PDE3B: variants seen among roughly 807,000 people sequenced by gnomAD.
PDE3B encodes the protein cGMP-inhibited 3',5'-cyclic phosphodiesterase 3B.
A neutral mutation model predicts 116.8 loss-of-function variants in PDE3B; 66 were observed. That is an observed-to-expected ratio of 0.56 (90% confidence interval 0.46 to 0.69). The LOEUF (loss-of-function observed/expected upper bound fraction) is 0.69, where lower values mean the gene tolerates loss of function less well. PDE3B is among the 30% of genes least tolerant of loss of function. The pLI is 0.00. For synonymous variants in PDE3B, 595 were observed against 533.6 expected (o/e 1.12, Z -1.59); for missense variants, 1,384 against 1,368.1 (o/e 1.01, Z -0.18).
intron 1 of PDE3B, among the ~76,000 whole-genome samples, chr11:14,735,539 G>A (rs1311497831): frequency 6.6e-6 from 1 of 152,148 alleles, no homozygotes; most frequent in African/African-American, 2.4e-5. Flanking sequence ...CACCTCATTG[G>A]CACTATGTAG....
chr11:14,822,075 T>A lies in PDE3B; in HGVS notation c.1807+2866T>A, dbSNP rs546487314. On this transcript the variant is annotated intron_variant, in intron 7 of 15. Coordinates refer to ENST00000282096, the MANE Select transcript of PDE3B (RefSeq NM_000922.4). ...CACCATGCCCGGCTAATTAAAAAAA[T>A]TTTTTTTTGTAGAGATGAGAACTCG... Among the ~76,000 whole-genome samples the A allele has an allele frequency of 2.8e-4, 42 of 151,730 alleles. 1 individual carries two copies. The highest frequency in any genetic ancestry group is 1.1e-3 in the Admixed American group (17 of 15,222).
chr11:14,648,968 C>T (rs1191686771), intron 1 of PDE3B, among the ~76,000 whole-genome samples: 3 of 151,980 alleles, frequency 2.0e-5, no homozygotes, highest in Non-Finnish European at 4.4e-5. Context: ...TATGTATAAG[C>T]TGAGAACAAA....
At chr11:14,724,159 A>C (rs1457950586) in intron 1 of PDE3B, among the ~76,000 whole-genome samples, 1 of 152,208 alleles carries the variant, frequency 6.6e-6, no homozygotes, top group East Asian at 1.9e-4. Flanking sequence ...TAGACTTGAA[A>C]GATGGTTACA....
At chr11:14,667,079 A>G (rs1163366905) in intron 1 of PDE3B, among the ~76,000 whole-genome samples, 1 of 152,224 alleles carries the variant, frequency 6.6e-6, no homozygotes. Context: ...TATGGCACAT[A>G]TACACCATGG....
intron 1 of PDE3B, among the ~76,000 whole-genome samples, chr11:14,668,311 A>G (rs574703536): frequency 3.9e-5 from 6 of 152,290 alleles, no homozygotes; most frequent in East Asian, 3.9e-4. Flanking sequence ...CCTCTATACA[A>G]TCTAAGGACA....
chr11:14,819,571 A>G (rs984973804), intron 7 of PDE3B, among the ~76,000 whole-genome samples: 2 of 152,180 alleles, frequency 1.3e-5, no homozygotes, highest in African/African-American at 4.8e-5. Context: ...AGTGTGGTTA[A>G]TTATATCATT....
At chr11:14,812,749 C>T (rs943482598) in intron 5 of PDE3B, among the ~76,000 whole-genome samples, 8 of 152,106 alleles carry the variant, frequency 5.3e-5, no homozygotes, top group South Asian at 2.1e-4. Context: ...CTATATTTAA[C>T]GAAAATGTTG....
intron 1 of PDE3B, among the ~76,000 whole-genome samples, chr11:14,734,453 A>G (rs1856544696): frequency 6.6e-6 from 1 of 152,188 alleles, no homozygotes; most frequent in African/African-American, 2.4e-5. Flanking sequence ...TACCAAGTAA[A>G]TGTCCTTTGC....
intron 12 of PDE3B, among the ~76,000 whole-genome samples, chr11:14,847,652 G>C (rs1847640326): frequency 6.6e-6 from 1 of 151,886 alleles, no homozygotes; most frequent in Non-Finnish European, 1.5e-5. Context: ...ATGATAAAGG[G>C]GATATCACCA....
At chr11:14,757,907 G>T (rs1250221526) in intron 1 of PDE3B, among the ~76,000 whole-genome samples, 1 of 149,858 alleles carries the variant, frequency 6.7e-6, no homozygotes, top group Non-Finnish European at 1.5e-5. Context: ...GTAATGCCTA[G>T]GTTTTCTTCT....
chr11:14,816,296 CTG>C (rs544339857), intron 5 of PDE3B, among the ~76,000 whole-genome samples: 77 of 152,360 alleles, frequency 5.1e-4, no homozygotes, highest in African/African-American at 1.8e-3. Flanking sequence ...GAATAAACAA[CTG>C]AGCACCATAA....
chr11:14,856,877 C>T (rs1847862134), intron 12 of PDE3B, among the ~76,000 whole-genome samples: 1 of 149,680 alleles, frequency 6.7e-6, no homozygotes, highest in Non-Finnish European at 1.5e-5. Context: ...AAAGTGCCTT[C>T]TTAGTCATGA....
chr11:14,869,715 AG>A lies in PDE3B; in HGVS notation c.*59del. On this transcript the variant is annotated 3_prime_UTR_variant, in exon 16 of 16. Coordinates refer to ENST00000282096, the MANE Select transcript of PDE3B (RefSeq NM_000922.4). ...TGAAGAAGCCCAGAGGGTTGTGCCC[AG>A]GGGCAGAAATCATTGCCTAGTGTTC... 2 of 1,463,168 alleles carry A rather than the reference AG, an allele frequency of 1.4e-6. No homozygotes were observed. The highest frequency in any genetic ancestry group is 1.9e-6 in the Non-Finnish European group (2 of 1,056,360). The allele number at this position is 1,463,168 out of a possible 1,614,324, so 90.6% of individuals were successfully genotyped here. A position where few individuals can be genotyped will look rare whatever the true frequency, so the allele number is the denominator to read the frequency against.
chr11:14,651,682 G>A (rs1853578201), intron 1 of PDE3B, among the ~76,000 whole-genome samples: 2 of 152,206 alleles, frequency 1.3e-5, no homozygotes, highest in Admixed American at 1.3e-4. Flanking sequence ...AGATTTATAT[G>A]TATGTTGTGA....
intron 1 of PDE3B, among the ~76,000 whole-genome samples, chr11:14,697,812 T>A (rs1202129058): frequency 6.6e-6 from 1 of 152,114 alleles, no homozygotes; most frequent in Non-Finnish European, 1.5e-5. Flanking sequence ...TATTTTCTTA[T>A]GTTATTGTAT....
intron 1 of PDE3B, among the ~76,000 whole-genome samples, chr11:14,756,310 G>A (rs1488553874): frequency 6.6e-6 from 1 of 152,160 alleles, no homozygotes; most frequent in African/African-American, 2.4e-5. Flanking sequence ...TGGACTAGTT[G>A]AGGGTCATTT....
chr11:14,722,609 G>T (rs929002883), intron 1 of PDE3B, among the ~76,000 whole-genome samples: 2 of 152,144 alleles, frequency 1.3e-5, no homozygotes, highest in Admixed American at 6.6e-5. Flanking sequence ...TTGGTAAAAA[G>T]TTTTTTGAAG....
At chr11:14,749,798 A>C (rs1001243226) in intron 1 of PDE3B, among the ~76,000 whole-genome samples, 3 of 148,140 alleles carry the variant, frequency 2.0e-5, no homozygotes, top group Non-Finnish European at 4.5e-5. Context: ...CAATAGGAGG[A>C]TATTTACACA....
intron 5 of PDE3B, among the ~76,000 whole-genome samples, chr11:14,812,656 T>A (rs1177978145): frequency 1.3e-5 from 2 of 152,232 alleles, no homozygotes; most frequent in Non-Finnish European, 2.9e-5. Context: ...GTCATATATC[T>A]TCTAACGAAA....
Sources: allele counts gnomAD v4.1 joint callset (sites outside exome capture counted in the v4.1 genomes callset), GRCh38; gene constraint gnomAD v4.1.1; transcripts MANE v1.5; gene names NCBI Gene and HGNC (gene_info 2026-07-23, HGNC 2026-07-21).